SEMA3A: variants seen among roughly 807,000 people sequenced by gnomAD.
The protein encoded by SEMA3A is semaphorin-3A.
Under a neutral mutation model 97.9 loss-of-function variants are expected in SEMA3A, and 29 were observed. The observed-to-expected ratio is 0.30, with a 90% CI of 0.22 to 0.40. SEMA3A has a LOEUF of 0.40. Among genes scored for constraint, SEMA3A ranks in the 10% least tolerant of loss-of-function variants. The pLI, the probability that SEMA3A is intolerant of heterozygous loss-of-function variation, is 1.00. For synonymous variants in SEMA3A, 321 were observed against 323.7 expected (o/e 0.99, Z 0.09); for missense variants, 763 against 951.3 (o/e 0.80, Z 2.60).
chr7:84,160,155 G>C (rs1005964510), intron 1 of SEMA3A, among the ~76,000 whole-genome samples: 1 of 151,864 alleles, frequency 6.6e-6, no homozygotes, highest in Non-Finnish European at 1.5e-5. Context: ...TGACAGAATT[G>C]CACCAAATAT....
intron 1 of SEMA3A, among the ~76,000 whole-genome samples, chr7:84,402,357 A>T (rs72612653): frequency 0.046 from 7,060 of 152,256 alleles, 193 homozygotes; most frequent in East Asian, 0.094. Flanking sequence ...TGCTGGCAAC[A>T]GTGTGGAGAA....
At chr7:84,359,045 C>A in intron 2 of SEMA3A, among the ~76,000 whole-genome samples, 1 of 152,058 alleles carries the variant, frequency 6.6e-6, no homozygotes, top group African/African-American at 2.4e-5. Context: ...TGGGCTGAGA[C>A]GATGGGGTTT....
chr7:84,039,544 T>C (rs1792059188), intron 6 of SEMA3A, among the ~76,000 whole-genome samples: 1 of 152,106 alleles, frequency 6.6e-6, no homozygotes, highest in Non-Finnish European at 1.5e-5. Context: ...CCAGCTCTAT[T>C]TGATTTGAGT....
intron 1 of SEMA3A, among the ~76,000 whole-genome samples, chr7:84,401,162 A>C (rs1279618875): frequency 6.6e-6 from 1 of 152,210 alleles, no homozygotes; most frequent in Non-Finnish European, 1.5e-5. Flanking sequence ...TAAATTCAGT[A>C]AGATTGCGTG....
intron 4 of SEMA3A, among the ~76,000 whole-genome samples, chr7:84,062,604 T>C (rs1056782470): frequency 3.3e-5 from 5 of 152,184 alleles, no homozygotes; most frequent in Non-Finnish European, 5.9e-5. Flanking sequence ...TTGCCTCACT[T>C]GGGAAGCGCA....
At chr7:83,983,630 A>G (rs1251161597) in intron 13 of SEMA3A, among the ~76,000 whole-genome samples, 1 of 152,178 alleles carries the variant, frequency 6.6e-6, no homozygotes, top group African/African-American at 2.4e-5. Context: ...TAAAATGCCA[A>G]AAGTAACTAT....
intron 4 of SEMA3A, among the ~76,000 whole-genome samples, chr7:84,079,146 T>A (rs560031398): frequency 6.6e-6 from 1 of 152,280 alleles, no homozygotes; most frequent in African/African-American, 2.4e-5. Context: ...GCATTTAATT[T>A]GTTTTTTTAA....
chr7:84,027,539 T>G (rs1399278686), intron 6 of SEMA3A, among the ~76,000 whole-genome samples: 1 of 152,216 alleles, frequency 6.6e-6, no homozygotes, highest in Admixed American at 6.5e-5. Context: ...TTTGTTTGTT[T>G]GTTTGTTTTT....
chr7:83,983,099 G>T (rs541204166), intron 13 of SEMA3A, among the ~76,000 whole-genome samples: 1 of 151,982 alleles, frequency 6.6e-6, no homozygotes, highest in African/African-American at 2.4e-5. Flanking sequence ...ATTGAATTTT[G>T]CTATAAACCA....
intron 1 of SEMA3A, among the ~76,000 whole-genome samples, chr7:84,437,441 A>G (rs1451524872): frequency 1.3e-5 from 2 of 152,068 alleles, no homozygotes; most frequent in East Asian, 3.9e-4. Context: ...TAGTCTTAAT[A>G]GCTCATAAGA....
chr7:84,211,881 G>A (rs1798636752), intron 3 of SEMA3A, among the ~76,000 whole-genome samples: 1 of 152,144 alleles, frequency 6.6e-6, no homozygotes, highest in South Asian at 2.1e-4. Context: ...AAGACAAAAA[G>A]TAGGCTGAGG....
intron 13 of SEMA3A, among the ~76,000 whole-genome samples, chr7:83,983,608 C>A (rs1003665789): frequency 2.6e-5 from 4 of 151,922 alleles, no homozygotes; most frequent in Non-Finnish European, 5.9e-5. Context: ...ATGATGAAAA[C>A]CTGAACTGTG....
intron 4 of SEMA3A, among the ~76,000 whole-genome samples, chr7:84,082,407 A>C (rs1351809132): frequency 1.3e-5 from 2 of 152,172 alleles, no homozygotes; most frequent in Non-Finnish European, 2.9e-5. Flanking sequence ...AGGAGTACAA[A>C]AGAAAATGAA....
chr7:84,155,972 A>G (rs527784313), intron 1 of SEMA3A, among the ~76,000 whole-genome samples: 59 of 152,126 alleles, frequency 3.9e-4, no homozygotes, highest in Non-Finnish European at 6.8e-4. Context: ...ACCTGTCTCT[A>G]AATATTTTTC....
intron 1 of SEMA3A, among the ~76,000 whole-genome samples, chr7:84,422,716 C>G (rs1296047137): frequency 2.0e-5 from 3 of 152,030 alleles, no homozygotes; most frequent in Non-Finnish European, 4.4e-5. Context: ...TACATTATGT[C>G]TTTGTTCTCA....
chr7:84,288,823 C>T (rs1800663558), intron 3 of SEMA3A, among the ~76,000 whole-genome samples: 1 of 151,950 alleles, frequency 6.6e-6, no homozygotes, highest in African/African-American at 2.4e-5. Context: ...TATGAGGTTC[C>T]ACAAAAAAAC....
intron 1 of SEMA3A, among the ~76,000 whole-genome samples, chr7:84,427,247 A>T (rs373241670): frequency 2.0e-5 from 3 of 152,100 alleles, no homozygotes. Context: ...ATATCTATGA[A>T]TTATTTTTTG....
intron 1 of SEMA3A, among the ~76,000 whole-genome samples, chr7:84,415,166 T>C (rs1270682987): frequency 6.6e-6 from 1 of 152,084 alleles, no homozygotes; most frequent in Non-Finnish European, 1.5e-5. Flanking sequence ...TTCAAACAGA[T>C]AGAAATGATT....
At chr7:84,320,222 T>A (rs538799145) in intron 2 of SEMA3A, among the ~76,000 whole-genome samples, 2 of 152,298 alleles carry the variant, frequency 1.3e-5, no homozygotes, top group South Asian at 4.1e-4. Context: ...GTATATATAT[T>A]ATAATCTCCT....
Sources: gnomAD v4.1 joint callset for allele counts (sites outside exome capture counted in the v4.1 genomes callset) on GRCh38, gnomAD v4.1.1 for gene constraint, MANE v1.5 for transcripts, NCBI Gene and HGNC (gene_info 2026-07-23, HGNC 2026-07-21) for gene names.